The following PLXNA4 variants were observed in gnomAD, a reference collection of about 807,000 sequenced individuals.
PLXNA4 encodes plexin-A4.
In PLXNA4, 44 loss-of-function variants were observed where a neutral mutation model predicts 191.8. That is an observed-to-expected ratio of 0.23 (90% CI 0.18 to 0.29). The LOEUF (loss-of-function observed/expected upper bound fraction) is 0.29. Ranked by LOEUF, PLXNA4 falls within the 10% of genes least tolerant of loss-of-function variation. The probability of loss-of-function intolerance (pLI) is 1.00; values close to 1 mark genes in which losing one functional copy is unlikely to be tolerated. For missense variants in PLXNA4, 1,800 were observed against 2,488.8 expected (o/e 0.72, Z 5.89); for synonymous variants, 1,082 against 1,009.5 (o/e 1.07, Z -1.36).
chr7:132,595,579 G>A (rs1038917452), intron 2 of PLXNA4, among the ~76,000 whole-genome samples: 9 of 152,100 alleles, frequency 5.9e-5, no homozygotes, highest in African/African-American at 2.2e-4. Context: ...CTGGAAAAGG[G>A]GTACTTTCAC....
chr7:132,415,742 T>TAGG (rs1408920769), intron 3 of PLXNA4, among the ~76,000 whole-genome samples: 1 of 152,162 alleles, frequency 6.6e-6, no homozygotes, highest in Non-Finnish European at 1.5e-5. Flanking sequence ...ACCCACAAGG[T>TAGG]AGGACTATCA....
rs1562901052 is a variant in PLXNA4 at position 132,178,742 on chromosome 7, AAC to A, written c.3874+943_3874+944del. The stretch of plus-strand genomic sequence containing the variant: ...CACACACACACACACTTGTAAATGA[AAC>A]ACATACACACACACACACACACACA... On this transcript the variant is annotated intron_variant, in intron 20 of 31. Transcript: ENST00000321063. Among the ~76,000 whole-genome samples, 4 of 83,760 alleles carry A rather than the reference AAC, an allele frequency of 4.8e-5. No homozygotes were observed. In the East Asian group the frequency reaches 1.0e-3, roughly 21 times the overall value. The allele number at this position is 83,760 out of a possible 152,430, so 54.9% of individuals were successfully genotyped here.
chr7:132,219,925 T>C (rs1016204041), intron 9 of PLXNA4, among the ~76,000 whole-genome samples: 17 of 152,180 alleles, frequency 1.1e-4, no homozygotes, highest in African/African-American at 3.4e-4. Context: ...CTATGCCATA[T>C]AGCCTAGGTG....
chr7:132,146,016 G>T (rs781376094), intron 28 of PLXNA4, among the ~76,000 whole-genome samples: 7 of 147,478 alleles, frequency 4.7e-5, no homozygotes, highest in Non-Finnish European at 7.4e-5. Context: ...GGAGGAGGAG[G>T]TTGCAGTGAG....
At chr7:132,246,799 A>ATCC (rs1491266704) in intron 4 of PLXNA4, among the ~76,000 whole-genome samples, 3 of 147,774 alleles carry the variant, frequency 2.0e-5, no homozygotes, top group South Asian at 2.2e-4. Flanking sequence ...CATCATCATC[A>ATCC]TCATCATCCT....
intron 3 of PLXNA4, among the ~76,000 whole-genome samples, chr7:132,302,993 C>T (rs910351489): frequency 6.6e-6 from 1 of 152,106 alleles, no homozygotes; most frequent in Non-Finnish European, 1.5e-5. Context: ...TCTCCTGCCT[C>T]AGCCTCCTGA....
intron 10 of PLXNA4, among the ~76,000 whole-genome samples, chr7:132,206,739 G>T (rs888381123): frequency 6.6e-6 from 1 of 152,232 alleles, no homozygotes; most frequent in South Asian, 2.1e-4. Flanking sequence ...CATGGCAGAT[G>T]GAGCCTCTCT....
At chr7:132,303,034 G>A (rs1584965108) in intron 3 of PLXNA4, among the ~76,000 whole-genome samples, 1 of 151,660 alleles carries the variant, frequency 6.6e-6, no homozygotes, top group African/African-American at 2.4e-5. Context: ...CTACCACCAC[G>A]CCCAGCTAAT....
At chr7:132,327,221 C>A (rs1039178540) in intron 3 of PLXNA4, among the ~76,000 whole-genome samples, 1 of 151,372 alleles carries the variant, frequency 6.6e-6, no homozygotes, top group Non-Finnish European at 1.5e-5. Flanking sequence ...AGCTTTGCAA[C>A]CCCAGGCTCT....
intron 3 of PLXNA4, among the ~76,000 whole-genome samples, chr7:132,353,447 CAT>C (rs59890004): frequency 0.051 from 7,624 of 149,388 alleles, 402 homozygotes; most frequent in African/African-American, 0.13. Flanking sequence ...TTCTATGCAA[CAT>C]ATATATATAT....
intron 21 of PLXNA4, among the ~76,000 whole-genome samples, chr7:132,172,245 T>C (rs1412300389): frequency 6.6e-6 from 1 of 152,218 alleles, no homozygotes; most frequent in Non-Finnish European, 1.5e-5. Context: ...TAAATTTTAA[T>C]TGTAACCCAA....
intron 25 of PLXNA4, among the ~76,000 whole-genome samples, chr7:132,156,098 T>C (rs1478875815): frequency 1.4e-5 from 2 of 142,146 alleles, no homozygotes; most frequent in African/African-American, 5.0e-5. Context: ...TGACCACTTC[T>C]TTAAAATGAA....
intron 12 of PLXNA4, among the ~76,000 whole-genome samples, chr7:132,199,678 C>T (rs924384008): frequency 6.6e-6 from 1 of 152,190 alleles, no homozygotes; most frequent in Non-Finnish European, 1.5e-5. Context: ...ATCCAACTCT[C>T]CTCAACCCTG....
intron 2 of PLXNA4, among the ~76,000 whole-genome samples, chr7:132,600,457 G>A (rs1396380324): frequency 6.6e-6 from 1 of 152,106 alleles, no homozygotes; most frequent in East Asian, 1.9e-4. Flanking sequence ...TCAATCTCTT[G>A]GGCTCAAGCA....
chr7:132,471,145 A>G (rs952844468), intron 3 of PLXNA4, among the ~76,000 whole-genome samples: 2 of 151,934 alleles, frequency 1.3e-5, no homozygotes, highest in African/African-American at 4.8e-5. Flanking sequence ...CACCTCCCCC[A>G]TCTCTTGCTG....
rs570073266 is a variant in PLXNA4 at position 132,319,674 on chromosome 7, TG to T, written c.1372-21453del. On this transcript the variant is annotated intron_variant, in intron 3 of 31. Coordinates refer to ENST00000321063, the MANE Select transcript of PLXNA4 (RefSeq NM_020911.2). ...TTGCTGTTTCCTTATGCTAATTTCC[TG>T]GTGCTCTGAGATCACCGGACTTCCT... 7.2e-5 allele frequency among the ~76,000 whole-genome samples: 11 copies of T among 152,384 alleles called. 1 individual carries two copies. In the South Asian group the frequency reaches 2.1e-3, roughly 29 times the overall value.
chr7:132,314,196 G>A (rs1801855491), intron 3 of PLXNA4, among the ~76,000 whole-genome samples: 1 of 152,138 alleles, frequency 6.6e-6, no homozygotes, highest in Non-Finnish European at 1.5e-5. Context: ...CAGTTTCACA[G>A]AACCAAACAA....
At chr7:132,577,471 C>A (rs1375859225), upstream of PLXNA4, among the ~76,000 whole-genome samples, 1 of 150,802 alleles carries the variant, frequency 6.6e-6, no homozygotes, top group Non-Finnish European at 1.5e-5. Flanking sequence ...CTCTCTGGCT[C>A]GCTCTCGCTG....
rs955947620 is a variant in PLXNA4 at position 132,643,433 on chromosome 7, C to G, written c.-87+2495G>C. Among the ~76,000 whole-genome samples the G allele has an allele frequency of 2.0e-5, 3 of 151,176 alleles. 1 individual carries two copies. Among genetic ancestry groups the G allele is most frequent in the Admixed American group, 1.3e-4 (2 of 15,156 alleles). Reference sequence around the variant, plus strand: ...TTGACCCCCCAGCCCCCACCCCACACGAAGCAGCCTCTAGAGTCTGCCCCA... The same window carrying G: ...TTGACCCCCCAGCCCCCACCCCACAGGAAGCAGCCTCTAGAGTCTGCCCCA... On this transcript the variant is annotated intron_variant, in intron 2 of 4. Coordinates refer to the PLXNA4 transcript ENST00000378539.
Sources: gnomAD v4.1 joint callset for allele counts (sites outside exome capture counted in the v4.1 genomes callset) on GRCh38, gnomAD v4.1.1 for gene constraint, MANE v1.5 for transcripts, NCBI Gene and HGNC (gene_info 2026-07-23, HGNC 2026-07-21) for gene names.